The following SLC47A1 variants were observed in gnomAD, a reference collection of about 807,000 sequenced individuals.
SLC47A1 encodes solute carrier family 47 member 1, also known as multidrug and toxin extrusion protein 1.
In SLC47A1, 58 loss-of-function variants were observed where a neutral mutation model predicts 65.8. The ratio of observed to expected loss-of-function variants is 0.88; its 90% CI spans 0.71 to 1.10. SLC47A1 has a LOEUF of 1.10. SLC47A1 is among the 50% of genes least tolerant of loss of function. The pLI, the probability that SLC47A1 is intolerant of heterozygous loss-of-function variation, is 0.00. For synonymous variants in SLC47A1, 285 were observed against 295.0 expected (o/e 0.97, Z 0.35); for missense variants, 706 against 719.2 (o/e 0.98, Z 0.21).
chr17:19,553,582 C>T (rs1205868528), intron 6 of SLC47A1, among the ~76,000 whole-genome samples: 2 of 147,870 alleles, frequency 1.4e-5, no homozygotes, highest in African/African-American at 5.0e-5. Flanking sequence ...GTCTCTGTTG[C>T]CCAGGCTAGA....
At chr17:19,562,298 C>T (rs903319880) in intron 12 of SLC47A1, among the ~76,000 whole-genome samples, 2 of 152,140 alleles carry the variant, frequency 1.3e-5, no homozygotes, top group Admixed American at 6.6e-5. Flanking sequence ...CACGGTGGCT[C>T]ACTCCTGTAA....
At chr17:19,573,920 C>CTT (rs397856610) in intron 16 of SLC47A1, among the ~76,000 whole-genome samples, 153 of 122,382 alleles carry the variant, frequency 1.3e-3, no homozygotes, top group African/African-American at 4.1e-3. Context: ...CTGGTTCATG[C>CTT]TTTTTTTTTT....
At position 19,569,244 on chromosome 17, in the gene SLC47A1, C is replaced by T. The variant is rs554627953; in HGVS notation, c.1309+2016C>T. Among the ~76,000 whole-genome samples the T allele has an allele frequency of 1.0e-3, 155 of 151,784 alleles. 1 individual carries two copies. The highest frequency in any genetic ancestry group is 3.4e-3 in the Middle Eastern group (1 of 294). ...AAAATTAGCCAGGTGTGGTGGTGTG[C>T]GCCTGTAGTTCCAGCTACTTGGGAG... On this transcript the variant is annotated intron_variant, in intron 14 of 16. Transcript: ENST00000270570.
chr17:19,538,350 T>C (rs943404608), intron 1 of SLC47A1, among the ~76,000 whole-genome samples: 3 of 152,248 alleles, frequency 2.0e-5, no homozygotes, highest in Non-Finnish European at 4.4e-5. Flanking sequence ...CCTGCTCTCG[T>C]GATGGCAGGG....
chr17:19,572,898 T>TC (rs2084411376), intron 16 of SLC47A1, 37 bp downstream of exon 16: 1 of 1,588,218 alleles, frequency 6.3e-7, no homozygotes, highest in African/African-American at 1.3e-5. Flanking sequence ...GACAGGCCTG[T>TC]CTAGGTAGGA....
chr17:19,559,204 G>T (rs2084287406), intron 10 of SLC47A1, among the ~76,000 whole-genome samples: 1 of 152,176 alleles, frequency 6.6e-6, no homozygotes, highest in Non-Finnish European at 1.5e-5. Flanking sequence ...TAAGTAACTT[G>T]CTCAGGGTGA....
chr17:19,565,577 C>CTTTTTTT (rs11362429), intron 12 of SLC47A1, among the ~76,000 whole-genome samples: 1 of 95,548 alleles, frequency 1.0e-5, no homozygotes, highest in African/African-American at 4.2e-5. Flanking sequence ...GTCTGAAAAT[C>CTTTTTTT]TTTTTTTTTT....
At chr17:19,574,981 G>A in intron 16 of SLC47A1, among the ~76,000 whole-genome samples, 1 of 152,160 alleles carries the variant, frequency 6.6e-6, no homozygotes, top group Non-Finnish European at 1.5e-5. Context: ...GGGTTGAGAA[G>A]CACCCAGAAC....
chr17:19,541,123 GA>G (rs1916135389), intron 1 of SLC47A1, among the ~76,000 whole-genome samples: 1 of 152,192 alleles, frequency 6.6e-6, no homozygotes, highest in Admixed American at 6.5e-5. Flanking sequence ...AGCCCTAAAA[GA>G]GGGACCTTTC....
intron 1 of SLC47A1, chr17:19,534,362 C>T (rs1239974405): frequency 5.5e-6 from 2 of 366,544 alleles, no homozygotes; most frequent in Admixed American, 4.9e-5. Flanking sequence ...CTCCAGCCTC[C>T]TGCGCCAGGA....
chr17:19,566,514 C>T (rs1257288014), intron 12 of SLC47A1, among the ~76,000 whole-genome samples: 1 of 152,102 alleles, frequency 6.6e-6, no homozygotes, highest in African/African-American at 2.4e-5. Flanking sequence ...CAACCTCTGC[C>T]TCCCGGGTTC....
At chr17:19,569,519 C>T (rs762452223) in intron 14 of SLC47A1, among the ~76,000 whole-genome samples, 39 of 152,062 alleles carry the variant, frequency 2.6e-4, no homozygotes, top group Non-Finnish European at 4.3e-4. Flanking sequence ...AATTGTGGTA[C>T]GAATTGGTTT....
rs981543714 is a variant in SLC47A1 at position 19,577,843 on chromosome 17, C to T, written c.*290C>T. 1.6e-6 allele frequency: 2 copies of T among 1,279,914 alleles called. No individual in the cohort carries two copies. The highest frequency in any genetic ancestry group is 2.0e-6 in the Non-Finnish European group (2 of 1,003,438). The allele number at this position is 1,279,914 out of a possible 1,614,324, so 79.3% of individuals were successfully genotyped here. A position where few individuals can be genotyped will look rare whatever the true frequency, so the allele number is the denominator to read the frequency against. On this transcript the variant is annotated 3_prime_UTR_variant, in exon 17 of 17. Coordinates refer to ENST00000270570, the MANE Select transcript of SLC47A1 (RefSeq NM_018242.3). Reference sequence around the variant, plus strand: ...GCATTGGCCAATGGCTTTGATACTTCTGCTATTTTTTTAGACACAAACCCA... The same window carrying T: ...GCATTGGCCAATGGCTTTGATACTTTTGCTATTTTTTTAGACACAAACCCA...
rs756557568 is a variant in SLC47A1 at position 19,555,671 on chromosome 17, G to T, written c.720G>T (p.Leu240=). ...LLFLYILGKK[L]HQATWGGWSL... is the part of the protein sequence containing the mutation. Reference sequence around the variant, plus strand: ...TTCTCTACATCCTCGGGAAAAAACTGCATCAAGCTACATGGGGAGGTAATG... The same window carrying T: ...TTCTCTACATCCTCGGGAAAAAACTTCATCAAGCTACATGGGGAGGTAATG... The change falls in exon 8 of 17, where the codon CTG becomes CTT. Residue 240 remains leucine (L), a synonymous_variant. Coordinates refer to ENST00000270570, the MANE Select transcript of SLC47A1 (RefSeq NM_018242.3). The T allele has an allele frequency of 1.9e-6, 3 of 1,614,192 alleles. No individual in the cohort carries two copies. The highest frequency in any genetic ancestry group is 2.2e-5 in the South Asian group (2 of 91,084).
At position 19,577,470 on chromosome 17, in the gene SLC47A1, C is replaced by T. The variant is rs1179285507; in HGVS notation, c.1630C>T (p.Leu544=). ...TAAATTGTCCAGGAAACAGCTGGTG[C>T]TGCGGCGAGGGCTTCTGCTCCTGGG... The part of the protein sequence containing the change: ...GAKLSRKQLV[L]RRGLLLLGVF... Residue 544 remains leucine (L), a synonymous_variant, in exon 17 of 17, where the codon CTG becomes TTG. Coordinates refer to ENST00000270570, the MANE Select transcript of SLC47A1 (RefSeq NM_018242.3). 6.2e-7 allele frequency: 1 copy of T among 1,614,166 alleles called. No individual in the cohort carries two copies. The highest frequency in any genetic ancestry group is 1.1e-5 in the South Asian group (1 of 91,086).
intron 12 of SLC47A1, among the ~76,000 whole-genome samples, chr17:19,565,870 C>T (rs966520174): frequency 1.3e-5 from 2 of 152,100 alleles, no homozygotes; most frequent in African/African-American, 4.8e-5. Flanking sequence ...CGTGAGCCAC[C>T]GTGCCTGGTG....
intron 12 of SLC47A1, among the ~76,000 whole-genome samples, chr17:19,560,878 TAA>T (rs773197178): frequency 2.8e-4 from 33 of 116,070 alleles, no homozygotes; most frequent in Admixed American, 3.6e-4. Flanking sequence ...GACTCCGTCT[TAA>T]AAAAAAAAAA....
Position 19,548,009 on chromosome 17 carries a change from C to G in SLC47A1, c.331C>G (p.His111Asp). ...SQTYGSQNLK[H>D]VGVILQRSAL... The stretch of plus-strand genomic sequence containing the variant: ...GACGTACGGGAGCCAGAACCTGAAG[C>G]ACGTGGGCGTGATCCTGCAGCGGAG... The change falls in exon 4 of 17, where the codon CAC becomes GAC. Residue 111 changes from histidine (H) to aspartate (D), a missense_variant. His to Asp is a moderately conservative substitution (Grantham distance 81). Transcript: ENST00000270570. 3.1e-6 allele frequency: 5 copies of G among 1,613,582 alleles called. No homozygotes were observed. The highest frequency in any genetic ancestry group is 4.2e-6 in the Non-Finnish European group (5 of 1,179,626).
intron 1 of SLC47A1, among the ~76,000 whole-genome samples, chr17:19,538,539 C>T (rs1212365529): frequency 6.6e-6 from 1 of 152,258 alleles, no homozygotes; most frequent in Non-Finnish European, 1.5e-5. Context: ...TACTGTGGGT[C>T]CCGTGGGGCA....
Sources: gnomAD v4.1 joint callset for allele counts (sites outside exome capture counted in the v4.1 genomes callset) on GRCh38, gnomAD v4.1.1 for gene constraint, MANE v1.5 for transcripts, NCBI Gene and HGNC (gene_info 2026-07-23, HGNC 2026-07-21) for gene names.